The following UBL3 variants were observed in gnomAD, a reference collection of about 807,000 sequenced individuals.
The protein encoded by UBL3 is ubiquitin like 3, also known as ubiquitin-like protein 3.
UBL3 carries 6 observed loss-of-function variants against 18.4 expected under a neutral mutation model. The ratio of observed to expected loss-of-function variants is 0.33; its 90% CI spans 0.18 to 0.64. The LOEUF is 0.64. Ranked by LOEUF, UBL3 falls within the 30% of genes least tolerant of loss-of-function variation. The probability of loss-of-function intolerance (pLI) is 0.76; values close to 1 mark genes in which losing one functional copy is unlikely to be tolerated. For missense variants in UBL3, 109 were observed against 142.9 expected (o/e 0.76, Z 1.21); for synonymous variants, 49 against 46.6 (o/e 1.05, Z -0.21).
At chr13:29,781,612 G>A (rs184821585) in intron 1 of UBL3, among the ~76,000 whole-genome samples, 8 of 152,012 alleles carry the variant, frequency 5.3e-5, no homozygotes, top group African/African-American at 1.9e-4. Flanking sequence ...AGGGGAGGCC[G>A]TGCATGCATG....
In UBL3 at chr13:29,767,189, G is replaced by A. The variant is rs986341685; in HGVS notation, c.*66C>T. 3.0e-5 allele frequency: 47 copies of A among 1,570,744 alleles called. No homozygotes were observed. Among genetic ancestry groups the A allele is most frequent in the Non-Finnish European group, 3.9e-5 (45 of 1,146,220 alleles). On this transcript the variant is annotated 3_prime_UTR_variant, in exon 5 of 5. Transcript: ENST00000380680. ...TCTGAACGGTTTCTGAAGCAATGTC[G>A]GGTCTTTTCTGTCCCAGCAGCATGA...
chr13:29,772,343 T>C (rs1164603329), intron 2 of UBL3, 145 bp from the exon 3 acceptor site: 5 of 504,980 alleles, frequency 9.9e-6, no homozygotes, highest in Non-Finnish European at 3.3e-6. Context: ...ACAGTCACTA[T>C]TCATACATTT....
At chr13:29,824,854 T>A (rs1878575434) in intron 1 of UBL3, among the ~76,000 whole-genome samples, 1 of 152,240 alleles carries the variant, frequency 6.6e-6, no homozygotes, top group Non-Finnish European at 1.5e-5. Flanking sequence ...AACATTTAAA[T>A]CTTTAATCCA....
At chr13:29,844,072 A>G (rs2139370719) in intron 1 of UBL3, among the ~76,000 whole-genome samples, 1 of 152,340 alleles carries the variant, frequency 6.6e-6, no homozygotes, top group African/African-American at 2.4e-5. Context: ...AAGTATTTTT[A>G]AAGGGACTAT....
At chr13:29,782,987 A>G (rs938698108) in intron 1 of UBL3, among the ~76,000 whole-genome samples, 1 of 152,166 alleles carries the variant, frequency 6.6e-6, no homozygotes, top group African/African-American at 2.4e-5. Flanking sequence ...GTTGACTAAT[A>G]TTTCTGTTTT....
intron 1 of UBL3, among the ~76,000 whole-genome samples, chr13:29,816,868 G>C (rs537241013): frequency 6.6e-6 from 1 of 151,606 alleles, no homozygotes; most frequent in African/African-American, 2.4e-5. Flanking sequence ...TTATTGCTTG[G>C]AGACATTTGC....
At chr13:29,822,390 T>G (rs1878481692) in intron 1 of UBL3, among the ~76,000 whole-genome samples, 3 of 152,092 alleles carry the variant, frequency 2.0e-5, no homozygotes, top group Admixed American at 6.6e-5. Flanking sequence ...TTTTGTGAGA[T>G]CTCAAAGATT....
intron 1 of UBL3, among the ~76,000 whole-genome samples, chr13:29,788,870 T>TGTGCGCGC (rs1180662351): frequency 2.0e-3 from 42 of 20,922 alleles, no homozygotes; most frequent in Admixed American, 0.015. Context: ...TGTGTGTGTG[T>TGTGCGCGC]GCGCGCGCGC....
intron 1 of UBL3, among the ~76,000 whole-genome samples, chr13:29,829,028 C>T (rs924699896): frequency 1.3e-5 from 2 of 152,196 alleles, no homozygotes; most frequent in Non-Finnish European, 2.9e-5. Flanking sequence ...CTGATCGTTC[C>T]TCTGGAAGCT....
chr13:29,794,536 T>G (rs1877562043), intron 1 of UBL3, among the ~76,000 whole-genome samples: 1 of 152,228 alleles, frequency 6.6e-6, no homozygotes, highest in African/African-American at 2.4e-5. Flanking sequence ...GATATGATTT[T>G]AAATTGTATT....
chr13:29,767,381 T>G (rs1876717345), intron 4 of UBL3, 74 bp from the exon 5 acceptor site: 2 of 1,544,886 alleles, frequency 1.3e-6, no homozygotes, highest in Non-Finnish European at 1.8e-6. Flanking sequence ...GGCAATCAAG[T>G]GTAGGAAGTA....
intron 1 of UBL3, among the ~76,000 whole-genome samples, chr13:29,844,349 G>C (rs1384043878): frequency 6.6e-6 from 1 of 152,108 alleles, no homozygotes; most frequent in African/African-American, 2.4e-5. Flanking sequence ...GTAAATTACT[G>C]ATCTAGTGAA....
Position 29,780,373 on chromosome 13 carries a change from T to A in UBL3, c.28-3110A>T, listed in dbSNP as rs868474489. 8.9e-3 allele frequency among the ~76,000 whole-genome samples: 399 copies of A among 44,606 alleles called. 10 individuals carry two copies. The highest frequency in any genetic ancestry group is 0.023 in the African/African-American group (330 of 14,246). The allele number at this position is 44,606 out of a possible 152,430, so 29.3% of individuals were successfully genotyped here. A position where few individuals can be genotyped will look rare whatever the true frequency, so the allele number is the denominator to read the frequency against. ...TGTCTCAAAAAAAAAAAAAAATATA[T>A]ATATATATATATATATATGTGTGTG... On this transcript the variant is annotated intron_variant, in intron 1 of 4. Transcript: ENST00000380680.
intron 4 of UBL3, 114 bp downstream of exon 4, chr13:29,767,504 C>T (rs1330013576): frequency 8.1e-7 from 1 of 1,241,922 alleles, no homozygotes; most frequent in East Asian, 2.5e-5. Flanking sequence ...TTGACAATCT[C>T]TATTCATAAA....
At chr13:29,811,716 C>A (rs1267118008) in intron 1 of UBL3, among the ~76,000 whole-genome samples, 1 of 152,098 alleles carries the variant, frequency 6.6e-6, no homozygotes, top group Non-Finnish European at 1.5e-5. Flanking sequence ...AAATACCTGG[C>A]TGCTTGATAA....
At chr13:29,841,562 T>C (rs1022064996) in intron 1 of UBL3, among the ~76,000 whole-genome samples, 2 of 152,164 alleles carry the variant, frequency 1.3e-5, no homozygotes, top group Non-Finnish European at 2.9e-5. Flanking sequence ...TACAAAGATA[T>C]ATGAAGTAGG....
At chr13:29,838,860 C>T (rs2139366418) in intron 1 of UBL3, among the ~76,000 whole-genome samples, 1 of 151,918 alleles carries the variant, frequency 6.6e-6, no homozygotes, top group South Asian at 2.1e-4. Flanking sequence ...AAAAACCCAA[C>T]TATATGATGC....
intron 1 of UBL3, among the ~76,000 whole-genome samples, chr13:29,846,487 T>A (rs1238551403): frequency 6.6e-6 from 1 of 152,126 alleles, no homozygotes; most frequent in Non-Finnish European, 1.5e-5. Context: ...CTCCTTATGC[T>A]AAACACAAAA....
chr13:29,780,678 G>T (rs1877131045), intron 1 of UBL3, among the ~76,000 whole-genome samples: 1 of 151,950 alleles, frequency 6.6e-6, no homozygotes, highest in Non-Finnish European at 1.5e-5. Flanking sequence ...TAATAAGGTT[G>T]AGAAAAGGTA....
Sources: gnomAD v4.1 joint callset for allele counts (sites outside exome capture counted in the v4.1 genomes callset) on GRCh38, gnomAD v4.1.1 for gene constraint, MANE v1.5 for transcripts, NCBI Gene and HGNC (gene_info 2026-07-23, HGNC 2026-07-21) for gene names.